Variants in NOL4L observed in about 807,000 individuals in gnomAD.
The protein encoded by NOL4L is nucleolar protein 4 like.
NOL4L carries 7 observed loss-of-function variants against 64.5 expected under a neutral mutation model. The ratio of observed to expected loss-of-function variants is 0.11; its 90% CI spans 0.06 to 0.20. NOL4L has a LOEUF of 0.20. Among genes scored for constraint, NOL4L ranks in the 10% least tolerant of loss-of-function variants. The pLI is 1.00. For missense variants in NOL4L, 680 were observed against 967.1 expected, an observed-to-expected ratio of 0.70 and a Z score of 3.94; for synonymous variants, 413 against 401.0, an observed-to-expected ratio of 1.03 and a Z score of -0.36.
intron 1 of NOL4L, among the ~76,000 whole-genome samples, chr20:32,534,310 T>C (rs2018441798): frequency 6.6e-6 from 1 of 152,162 alleles, no homozygotes; most frequent in Admixed American, 6.5e-5. Context: ...GAGATTGCTA[T>C]TGGACGAGAA....
intron 1 of NOL4L, among the ~76,000 whole-genome samples, chr20:32,545,455 C>T (rs1319216657): frequency 1.3e-5 from 2 of 152,212 alleles, no homozygotes; most frequent in African/African-American, 2.4e-5. Context: ...CCTCTGCTGC[C>T]GGACAGCCGA....
At chr20:32,581,112 G>A (rs1396407781) in intron 1 of NOL4L, among the ~76,000 whole-genome samples, 2 of 152,284 alleles carry the variant, frequency 1.3e-5, no homozygotes, top group African/African-American at 2.4e-5. Context: ...GTCATAAAGA[G>A]ATCTTATCCC....
chr20:32,528,209 C>T (rs551139218), intron 1 of NOL4L, among the ~76,000 whole-genome samples: 9 of 152,204 alleles, frequency 5.9e-5, no homozygotes, highest in Non-Finnish European at 1.2e-4. Context: ...CAGACTCGGG[C>T]GGGGAGCTCT....
intron 1 of NOL4L, among the ~76,000 whole-genome samples, chr20:32,570,577 C>T (rs968870139): frequency 6.6e-6 from 1 of 152,172 alleles, no homozygotes; most frequent in African/African-American, 2.4e-5. Context: ...TCCCAAACCA[C>T]GAGCCCTGTA....
At chr20:32,515,807 G>A (rs957773574) in intron 3 of NOL4L, among the ~76,000 whole-genome samples, 4 of 152,218 alleles carry the variant, frequency 2.6e-5, no homozygotes, top group Non-Finnish European at 4.4e-5. Flanking sequence ...GAGCTAGCAA[G>A]GGTCACGGAG....
chr20:32,491,477 G>A (rs927050276), intron 4 of NOL4L, among the ~76,000 whole-genome samples: 1 of 152,208 alleles, frequency 6.6e-6, no homozygotes, highest in African/African-American at 2.4e-5. Context: ...TCTGTTTCCT[G>A]CATTAACTTC....
chr20:32,530,784 GGT>G (rs1775171295), intron 1 of NOL4L, among the ~76,000 whole-genome samples: 1 of 152,012 alleles, frequency 6.6e-6, no homozygotes, highest in Non-Finnish European at 1.5e-5. Flanking sequence ...AGCTGGGTGT[GGT>G]GGTGCATGCC....
intron 1 of NOL4L, among the ~76,000 whole-genome samples, chr20:32,539,560 G>A (rs1393946681): frequency 6.6e-6 from 1 of 152,198 alleles, no homozygotes; most frequent in Non-Finnish European, 1.5e-5. Context: ...CCTCACTGCT[G>A]TCTGCATTCA....
chr20:32,501,104 C>A (rs1411317224), intron 4 of NOL4L, among the ~76,000 whole-genome samples: 1 of 152,194 alleles, frequency 6.6e-6, no homozygotes, highest in Non-Finnish European at 1.5e-5. Context: ...AGTCACTTGA[C>A]AGGAGAGAAA....
At chr20:32,502,947 A>G (rs1416417113) in intron 4 of NOL4L, among the ~76,000 whole-genome samples, 3 of 152,178 alleles carry the variant, frequency 2.0e-5, no homozygotes, top group Non-Finnish European at 4.4e-5. Context: ...AATAAATGCA[A>G]AGAAATCAAA....
At chr20:32,485,535 C>A in intron 4 of NOL4L, 1 of 317,542 alleles carries the variant, frequency 3.1e-6, no homozygotes, top group Non-Finnish European at 6.3e-6. Flanking sequence ...GGTTTAGGCA[C>A]ATTTACTCAT....
At chr20:32,521,985 T>C (rs893312562) in intron 2 of NOL4L, among the ~76,000 whole-genome samples, 5 of 152,246 alleles carry the variant, frequency 3.3e-5, no homozygotes, top group African/African-American at 4.8e-5. Flanking sequence ...GCGCTGCGCT[T>C]GGCCCCGCCT....
intron 1 of NOL4L, among the ~76,000 whole-genome samples, chr20:32,562,646 C>A (rs1979103368): frequency 2.0e-5 from 3 of 152,100 alleles, no homozygotes; most frequent in South Asian, 4.1e-4. Flanking sequence ...ATCTCCTCCC[C>A]GGAGTCACCA....
chr20:32,459,722 C>T (rs754362597), intron 5 of NOL4L, among the ~76,000 whole-genome samples: 1 of 152,032 alleles, frequency 6.6e-6, no homozygotes, highest in South Asian at 2.1e-4. Context: ...TTGTAGAGAA[C>T]AGGTCTCGCT....
chr20:32,554,374 A>T (rs959786640), intron 1 of NOL4L, among the ~76,000 whole-genome samples: 1 of 152,126 alleles, frequency 6.6e-6, no homozygotes, highest in African/African-American at 2.4e-5. Flanking sequence ...CAAATGAACA[A>T]ACAGGCTCAG....
At chr20:32,448,502 A>C (rs554212158) in intron 10 of NOL4L, among the ~76,000 whole-genome samples, 1 of 152,322 alleles carries the variant, frequency 6.6e-6, no homozygotes, top group East Asian at 1.9e-4. Flanking sequence ...GGACCATGGC[A>C]GCCAGTGGAT....
At chr20:32,500,456 C>A (rs1256231170) in intron 4 of NOL4L, among the ~76,000 whole-genome samples, 3 of 150,932 alleles carry the variant, frequency 2.0e-5, no homozygotes, top group Admixed American at 2.0e-4. Context: ...CGGGTTCATG[C>A]CATTCTTCTG....
Position 32,461,739 on chromosome 20 carries a change from A to G in NOL4L, c.842-5344T>C, listed in dbSNP as rs191983243. ...GCCCAGCCCCCTCTAACACAGTAGTATTGCAAGGAGAGGATAAGTGCTTGG... is the reference window on the plus strand; with the variant it reads ...GCCCAGCCCCCTCTAACACAGTAGTGTTGCAAGGAGAGGATAAGTGCTTGG... On this transcript the variant is annotated intron_variant, in intron 5 of 10. Transcript: ENST00000621426. Among the ~76,000 whole-genome samples, 519 of 149,688 alleles carry G rather than the reference A, an allele frequency of 3.5e-3. 2 individuals are homozygous for G. The highest frequency in any genetic ancestry group is 0.012 in the African/African-American group (491 of 40,994).
chr20:32,500,511 G>A (rs1423588792), intron 4 of NOL4L, among the ~76,000 whole-genome samples: 6 of 143,044 alleles, frequency 4.2e-5, no homozygotes, highest in East Asian at 2.0e-4. Context: ...CTGCCACCAC[G>A]CCCAGCTAAT....
Sources: gnomAD v4.1 joint callset for allele counts (sites outside exome capture counted in the v4.1 genomes callset) on GRCh38, gnomAD v4.1.1 for gene constraint, MANE v1.5 for transcripts, NCBI Gene and HGNC (gene_info 2026-07-23, HGNC 2026-07-21) for gene names.